ABLIM2: variants seen among roughly 807,000 people sequenced by gnomAD.
ABLIM2 encodes actin binding LIM protein family member 2, also known as actin-binding LIM protein 2.
In ABLIM2, 53 loss-of-function variants were observed where a neutral mutation model predicts 97.7. The ratio of observed to expected loss-of-function variants is 0.54; its 90% CI spans 0.44 to 0.68. The LOEUF (loss-of-function observed/expected upper bound fraction) is 0.68. ABLIM2 is among the 30% of genes least tolerant of loss of function. The pLI is 0.00. For synonymous variants in ABLIM2, 361 were observed against 345.8 expected (o/e 1.04, Z -0.49); for missense variants, 835 against 867.2 (o/e 0.96, Z 0.47).
In ABLIM2 at chr4:8,016,466, G is replaced by A. The variant is rs78464934; in HGVS notation, c.1423+3152C>T. ...CCCTGAAACAGCCTCAAAGCCCCAC[G>A]GGTTATATGGCCTTGAGTCCCATTT... On this transcript the variant is annotated intron_variant, in intron 14 of 20. Coordinates refer to ENST00000447017, the MANE Select transcript of ABLIM2 (RefSeq NM_001130083.2). 5.9e-5 allele frequency among the ~76,000 whole-genome samples: 9 copies of A among 152,220 alleles called. No homozygotes were observed. In the East Asian group the frequency reaches 9.6e-4, roughly 16 times the overall value.
chr4:7,990,477 C>T (rs115747998), intron 17 of ABLIM2, among the ~76,000 whole-genome samples: 5,474 of 152,252 alleles, frequency 0.036, 178 homozygotes, highest in African/African-American at 0.085. Context: ...TGAGCAACCA[C>T]GCCCCACCTC....
At chr4:8,133,793 C>T (rs550585457) in intron 1 of ABLIM2, among the ~76,000 whole-genome samples, 2 of 152,358 alleles carry the variant, frequency 1.3e-5, no homozygotes, top group Admixed American at 1.3e-4. Context: ...GAGGTGTCAA[C>T]AGGGAGCTGG....
At chr4:8,119,383 A>T (rs1462170466) in intron 1 of ABLIM2, among the ~76,000 whole-genome samples, 1 of 139,688 alleles carries the variant, frequency 7.2e-6, no homozygotes, top group Non-Finnish European at 1.5e-5. Flanking sequence ...GCTGGAGTGC[A>T]GTGGCATGAT....
chr4:7,985,490 A>T (rs1743110231), intron 17 of ABLIM2, among the ~76,000 whole-genome samples: 1 of 152,048 alleles, frequency 6.6e-6, no homozygotes, highest in African/African-American at 2.4e-5. Flanking sequence ...GTATTCTCAG[A>T]GCTACGCGGA....
chr4:7,971,702 T>A (rs1331809087), intron 20 of ABLIM2, among the ~76,000 whole-genome samples: 1 of 152,056 alleles, frequency 6.6e-6, no homozygotes, highest in African/African-American at 2.4e-5. Context: ...CAGGGACAGG[T>A]TGCCCTGGCC....
chr4:8,153,400 G>A (rs1189455115), intron 1 of ABLIM2, among the ~76,000 whole-genome samples: 1 of 152,228 alleles, frequency 6.6e-6, no homozygotes, highest in Non-Finnish European at 1.5e-5. Flanking sequence ...AGGTTAGGAA[G>A]GAACCCTGCA....
chr4:8,064,993 T>A (rs1420540102), intron 6 of ABLIM2, among the ~76,000 whole-genome samples: 3 of 152,152 alleles, frequency 2.0e-5, no homozygotes, highest in African/African-American at 7.2e-5. Flanking sequence ...CTCACACCTG[T>A]AATCCAAGTG....
chr4:8,132,764 C>T lies in ABLIM2; in HGVS notation c.10+25916G>A, dbSNP rs563863772. 4.6e-5 allele frequency among the ~76,000 whole-genome samples: 7 copies of T among 152,346 alleles called. No individual in the cohort carries two copies. The highest frequency in any genetic ancestry group is 1.7e-4 in the African/African-American group (7 of 41,590). On this transcript the variant is annotated intron_variant, in intron 1 of 20. Transcript: ENST00000447017. This position sits in a 1 kb window ranked among gnomAD's most constrained non-coding sequence, Gnocchi z 8.0. ...GCCCAGCGACTGAACCTCTTAGAGC[C>T]TCAGTTTCCTCATCTGTAAATGGGG... is the stretch of plus-strand genomic sequence containing the variant.
chr4:8,084,407 G>C (rs1821965519), intron 4 of ABLIM2, among the ~76,000 whole-genome samples: 1 of 152,154 alleles, frequency 6.6e-6, no homozygotes, highest in African/African-American at 2.4e-5. Context: ...AGGCTCTCCT[G>C]TTTCCCAGGC....
At chr4:8,146,072 T>C (rs1261976149) in intron 1 of ABLIM2, among the ~76,000 whole-genome samples, 1 of 152,240 alleles carries the variant, frequency 6.6e-6, no homozygotes, top group East Asian at 1.9e-4. Context: ...GAGATGTTTT[T>C]CTGCATCTTT....
intron 12 of ABLIM2, among the ~76,000 whole-genome samples, chr4:8,025,171 G>A (rs905541517): frequency 2.6e-5 from 4 of 152,114 alleles, no homozygotes; most frequent in Admixed American, 1.3e-4. Flanking sequence ...CAGGTGATCC[G>A]CCCACCTTGG....
rs1325349573 is a variant in ABLIM2 at position 8,058,434 on chromosome 4, G to A, written c.763+2533C>T. Among the ~76,000 whole-genome samples, 1 of 152,240 alleles carries A rather than the reference G, an allele frequency of 6.6e-6. No individual in the cohort carries two copies. Among genetic ancestry groups the A allele is most frequent in the African/African-American group, 2.4e-5 (1 of 41,476 alleles). ...CATGAGGTCATTCAACAGCCCGCAG[G>A]CACCTGCACGGCAGACGCTCTGACA... On this transcript the variant is annotated intron_variant, in intron 7 of 20. Coordinates refer to ENST00000447017, the MANE Select transcript of ABLIM2 (RefSeq NM_001130083.2). The surrounding 1 kb of genome is among the most constrained non-coding windows in gnomAD (Gnocchi z 4.2).
At chr4:8,076,204 AG>A (rs1224346606) in intron 6 of ABLIM2, among the ~76,000 whole-genome samples, 1 of 152,202 alleles carries the variant, frequency 6.6e-6, no homozygotes, top group African/African-American at 2.4e-5. Flanking sequence ...TCTCCCCGCC[AG>A]GTAGAGTTGC....
intron 16 of ABLIM2, chr4:7,993,945 C>T (rs1263760022): frequency 1.9e-6 from 1 of 514,114 alleles, no homozygotes; most frequent in Non-Finnish European, 3.9e-6. Context: ...GTAACCTCTT[C>T]AATACCACGT....
At chr4:7,973,077 G>GTGTGTGTGTGTA (rs1729503276) in intron 20 of ABLIM2, among the ~76,000 whole-genome samples, 1 of 143,506 alleles carries the variant, frequency 7.0e-6, no homozygotes, top group Non-Finnish European at 1.5e-5. Context: ...TCCCCTTGCT[G>GTGTGTGTGTGTA]TGTGTGTGTG....
intron 8 of ABLIM2, among the ~76,000 whole-genome samples, chr4:8,049,447 T>C (rs1173983489): frequency 6.6e-6 from 1 of 152,166 alleles, no homozygotes; most frequent in Non-Finnish European, 1.5e-5. Flanking sequence ...CTCTATCCAC[T>C]TGGCCAGGGC....
chr4:7,972,244 G>A (rs1265080499), intron 20 of ABLIM2, among the ~76,000 whole-genome samples: 1 of 152,182 alleles, frequency 6.6e-6, no homozygotes, highest in East Asian at 1.9e-4. Context: ...CCAGGGCCCT[G>A]CCCCTCCACA....
Position 7,986,672 on chromosome 4 carries a change from G to T in ABLIM2, c.1681-1779C>A, listed in dbSNP as rs1026472525. On this transcript the variant is annotated intron_variant, in intron 17 of 20. Coordinates refer to ENST00000447017, the MANE Select transcript of ABLIM2 (RefSeq NM_001130083.2). The surrounding 1 kb of genome is among the most constrained non-coding windows in gnomAD (Gnocchi z 4.3). ...TCTTGCCTTCAGGGGTATTCACAAA[G>T]AATTTCTTTTTTTTCTTTGAGACAG... 2.6e-5 allele frequency among the ~76,000 whole-genome samples: 4 copies of T among 152,018 alleles called. No homozygotes were observed. The highest frequency in any genetic ancestry group is 2.1e-4 in the South Asian group (1 of 4,810).
In ABLIM2 at chr4:8,124,101, C is replaced by G. The variant is rs1355181478; in HGVS notation, c.11-17464G>C. ...AACAAAAACCACACACTCTCACACA[C>G]CTGGGACATATGATATGACATCACA... On this transcript the variant is annotated intron_variant, in intron 1 of 20. Transcript: ENST00000447017. The surrounding 1 kb of genome is among the most constrained non-coding windows in gnomAD (Gnocchi z 6.1). Among the ~76,000 whole-genome samples, 1 of 152,136 alleles carries G rather than the reference C, an allele frequency of 6.6e-6. No homozygotes were observed. Among genetic ancestry groups the G allele is most frequent in the Non-Finnish European group, 1.5e-5 (1 of 68,030 alleles).
Sources: gnomAD v4.1 joint callset for allele counts (sites outside exome capture counted in the v4.1 genomes callset) on GRCh38, gnomAD v4.1.1 for gene constraint, Gnocchi (gnomAD v3.1) non-coding constraint, MANE v1.5 for transcripts, NCBI Gene and HGNC (gene_info 2026-07-23, HGNC 2026-07-21) for gene names.